CTNND2: variants seen among roughly 807,000 people sequenced by gnomAD.
The protein encoded by CTNND2 is catenin delta-2.
A neutral mutation model predicts 144.4 loss-of-function variants in CTNND2; 22 were observed. The observed-to-expected ratio is 0.15, with a 90% CI of 0.11 to 0.22. The LOEUF is 0.22. Ranked by LOEUF, CTNND2 falls within the 10% of genes least tolerant of loss-of-function variation. The pLI, the probability that CTNND2 is intolerant of heterozygous loss-of-function variation, is 1.00. For synonymous variants in CTNND2, 751 were observed against 695.6 expected, an observed-to-expected ratio of 1.08 and a Z score of -1.25; for missense variants, 1,353 against 1,618.8, an observed-to-expected ratio of 0.84 and a Z score of 2.82.
At chr5:11,314,692 A>G (rs1310638205) in intron 9 of CTNND2, among the ~76,000 whole-genome samples, 1 of 152,226 alleles carries the variant, frequency 6.6e-6, no homozygotes, top group East Asian at 1.9e-4. Context: ...AAATCAAAGA[A>G]TCTTGCATTC....
intron 2 of CTNND2, among the ~76,000 whole-genome samples, chr5:11,731,311 T>C (rs568520447): frequency 6.6e-6 from 1 of 152,210 alleles, no homozygotes; most frequent in Non-Finnish European, 1.5e-5. Flanking sequence ...TCTTTTTGAA[T>C]AGCGTTACTA....
At chr5:11,108,230 C>T (rs927759407) in intron 14 of CTNND2, among the ~76,000 whole-genome samples, 8 of 152,116 alleles carry the variant, frequency 5.3e-5, no homozygotes, top group African/African-American at 9.7e-5. Flanking sequence ...TGAACAGAAG[C>T]GTAGAGGCTG....
chr5:11,771,842 CATTGCCTTA>C (rs145662151), intron 1 of CTNND2, among the ~76,000 whole-genome samples: 14,485 of 152,160 alleles, frequency 0.095, 1,847 homozygotes, highest in African/African-American at 0.29. Context: ...GGGTTAGGAT[CATTGCCTTA>C]AAGACCTATA....
intron 16 of CTNND2, among the ~76,000 whole-genome samples, chr5:11,060,462 A>C (rs979413885): frequency 2.6e-5 from 4 of 152,104 alleles, no homozygotes; most frequent in African/African-American, 7.2e-5. Flanking sequence ...AGATGTGACC[A>C]TTCGGAATAA....
rs774668411 is a variant in CTNND2 at position 11,199,480 on chromosome 5, G to A, written c.1943C>T (p.Thr648Met). Reference sequence around the variant, plus strand: ...CAGCTCCCGGATCTCCAGGTCAGTCGTCTTGCGGAGTAACCTCACCAGTGC... The same window carrying A: ...CAGCTCCCGGATCTCCAGGTCAGTCATCTTGCGGAGTAACCTCACCAGTGC... ...IPALVRLLRK[T>M]TDLEIRELVT... is the part of the protein sequence containing the mutation. The change falls in exon 11 of 22, where the codon ACG (threonine) becomes ATG (methionine). Residue 648 changes from threonine to methionine, a missense_variant. Thr to Met is a moderately conservative substitution (Grantham distance 81, BLOSUM62 -1). Around this residue, in one of 4 missense-constraint regions of CTNND2, gnomAD observed 117 missense variants for 117.8 expected, o/e 0.99. Coordinates refer to ENST00000304623, the MANE Select transcript of CTNND2 (RefSeq NM_001332.4). 18 of 1,614,044 alleles carry A rather than the reference G, an allele frequency of 1.1e-5. No homozygotes were observed. Among genetic ancestry groups the A allele is most frequent in the South Asian group, 6.6e-5 (6 of 91,084 alleles).
intron 3 of CTNND2, among the ~76,000 whole-genome samples, chr5:11,549,330 A>G (rs16901738): frequency 0.031 from 4,744 of 152,230 alleles, 226 homozygotes; most frequent in East Asian, 0.23. Flanking sequence ...TCCACAATTC[A>G]TGTGTTGAAT....
intron 2 of CTNND2, among the ~76,000 whole-genome samples, chr5:11,592,221 T>C (rs1779289593): frequency 1.4e-5 from 2 of 145,074 alleles, no homozygotes; most frequent in Admixed American, 1.4e-4. Context: ...TCTTCCAGTC[T>C]GCCTTCCTGC....
rs1229903716 is a variant in CTNND2, at chr5:11,580,444, A to G, written c.175-15388T>C. ...CTTGGGCAGTGTTTTCAAAATTCAC[A>G]TCTTACCTGCAGAAACCTTAGCATG... On this transcript the variant is annotated intron_variant, in intron 2 of 21. Transcript: ENST00000304623. Among the ~76,000 whole-genome samples, 3 of 152,240 alleles carry G rather than the reference A, an allele frequency of 2.0e-5. No homozygotes were observed. The East Asian group carries it at 5.8e-4, about 29-fold the overall frequency.
intron 12 of CTNND2, among the ~76,000 whole-genome samples, chr5:11,150,455 G>C (rs1362008240): frequency 1.3e-5 from 2 of 151,984 alleles, no homozygotes; most frequent in African/African-American, 4.8e-5. Flanking sequence ...AACTAAATTT[G>C]ATTTCAAATA....
At chr5:11,127,797 G>T (rs1291302599) in intron 12 of CTNND2, among the ~76,000 whole-genome samples, 1 of 151,908 alleles carries the variant, frequency 6.6e-6, no homozygotes, top group Non-Finnish European at 1.5e-5. Context: ...ATCCAGCTCG[G>T]ATTTGGATGA....
chr5:11,493,125 A>C (rs76581639), intron 3 of CTNND2, among the ~76,000 whole-genome samples: 1 of 152,132 alleles, frequency 6.6e-6, no homozygotes, highest in Non-Finnish European at 1.5e-5. Context: ...AATAATAATT[A>C]ATCTTTATTC....
At chr5:11,773,056 C>A (rs1790040524) in intron 1 of CTNND2, among the ~76,000 whole-genome samples, 1 of 152,172 alleles carries the variant, frequency 6.6e-6, no homozygotes. Context: ...ACAAAAGAAG[C>A]TCTTGTGCTG....
chr5:11,199,587 G>A lies in CTNND2; in HGVS notation c.1836C>T (p.Ala612=), dbSNP rs771023998. The change falls in exon 11 of 22, where the codon GCC becomes GCT. Residue 612 remains alanine, a synonymous_variant. Transcript: ENST00000304623. ...DHRMTEVHRS[A]CGALRNLVYG... ...ACACCAGGTTTCTCAGAGCTCCACAGGCACTACGGTGGACTTCGGTCATCC... is the reference window on the plus strand; with the variant it reads ...ACACCAGGTTTCTCAGAGCTCCACAAGCACTACGGTGGACTTCGGTCATCC... 2 of 1,614,144 alleles carry A rather than the reference G, an allele frequency of 1.2e-6. No individual in the cohort carries two copies. The highest frequency in any genetic ancestry group is 1.7e-6 in the Non-Finnish European group (2 of 1,180,018).
chr5:11,128,412 C>T (rs981409836), intron 12 of CTNND2, among the ~76,000 whole-genome samples: 2 of 152,022 alleles, frequency 1.3e-5, no homozygotes, highest in Non-Finnish European at 2.9e-5. Flanking sequence ...ATCCCACCAG[C>T]ACCTTGATTT....
At chr5:11,209,746 C>T (rs910474425) in intron 10 of CTNND2, among the ~76,000 whole-genome samples, 7 of 152,036 alleles carry the variant, frequency 4.6e-5, no homozygotes, top group African/African-American at 1.4e-4. Context: ...CATGGTGAAA[C>T]CCCGTCTCTA....
chr5:11,480,646 ATGTGTG>A (rs58951106), intron 3 of CTNND2, among the ~76,000 whole-genome samples: 15 of 149,056 alleles, frequency 1.0e-4, no homozygotes, highest in East Asian at 2.0e-4. Context: ...AAATACATAT[ATGTGTG>A]TGTGTGTGTG....
chr5:11,112,545 A>G (rs1299891304), intron 13 of CTNND2, among the ~76,000 whole-genome samples: 1 of 152,260 alleles, frequency 6.6e-6, no homozygotes, highest in African/African-American at 2.4e-5. Flanking sequence ...CTATAAGATC[A>G]TAAATGTGTG....
intron 2 of CTNND2, among the ~76,000 whole-genome samples, chr5:11,655,668 T>C (rs1011294733): frequency 2.0e-5 from 3 of 151,550 alleles, no homozygotes; most frequent in African/African-American, 7.3e-5. Context: ...ACAATACAAA[T>C]GGCAAAAAGC....
chr5:11,621,654 A>G (rs1223033672), intron 2 of CTNND2, among the ~76,000 whole-genome samples: 1 of 152,218 alleles, frequency 6.6e-6, no homozygotes, highest in Non-Finnish European at 1.5e-5. Flanking sequence ...ATAATATATC[A>G]AAATGCACTT....
Sources: allele counts gnomAD v4.1 joint callset (sites outside exome capture counted in the v4.1 genomes callset), GRCh38; gene constraint gnomAD v4.1.1; regional missense constraint gnomAD v4.1.1; transcripts MANE v1.5; gene names NCBI Gene and HGNC (gene_info 2026-07-23, HGNC 2026-07-21).